The following MYRIP variants were observed in gnomAD, a reference collection of about 807,000 sequenced individuals.
The protein encoded by MYRIP is myosin VIIA and Rab interacting protein.
MYRIP carries 49 observed loss-of-function variants against 98.0 expected under a neutral mutation model. The observed-to-expected ratio is 0.50, with a 90% CI of 0.40 to 0.63. The LOEUF (loss-of-function observed/expected upper bound fraction) is 0.63. Ranked by LOEUF, MYRIP falls within the 30% of genes least tolerant of loss-of-function variation. The probability of loss-of-function intolerance (pLI) is 0.00; values close to 1 mark genes in which losing one functional copy is unlikely to be tolerated. For synonymous variants in MYRIP, 404 were observed against 409.5 expected (o/e 0.99, Z 0.16); for missense variants, 1,004 against 1,058.2 (o/e 0.95, Z 0.71).
At chr3:40,251,626 A>G (rs60177470) in intron 15 of MYRIP, among the ~76,000 whole-genome samples, 2,690 of 152,306 alleles carry the variant, frequency 0.018, 67 homozygotes, top group African/African-American at 0.06. Flanking sequence ...AGGACTGCAC[A>G]TAAGTATTTA....
At chr3:40,218,629 T>TAATATATATATATATATATATATATATA (rs1402516846) in intron 11 of MYRIP, among the ~76,000 whole-genome samples, 1 of 22,700 alleles carries the variant, frequency 4.4e-5, no homozygotes, top group African/African-American at 6.4e-5. Context: ...TATATATATA[T>TAATATATATATATATATATATATATATA]ATATATATAT....
chr3:39,927,035 T>G (rs1011803952), intron 2 of MYRIP, among the ~76,000 whole-genome samples: 1 of 151,940 alleles, frequency 6.6e-6, no homozygotes, highest in East Asian at 1.9e-4. Flanking sequence ...CCTTGAGAGA[T>G]CTTTCACCTC....
At chr3:39,918,579 C>T (rs964681109) in intron 2 of MYRIP, among the ~76,000 whole-genome samples, 1 of 152,198 alleles carries the variant, frequency 6.6e-6, no homozygotes, top group Non-Finnish European at 1.5e-5. Flanking sequence ...AAAACTTCCC[C>T]TTCGCCCTCT....
rs1002981372 is a variant in MYRIP, at chr3:39,895,918, T to G, written c.-30-4869T>G. ...GAAAAACTCGTGTGTGTGTGTGTGG[T>G]GTGTGTGTGTGTGTGTGTGCGCGTG... On this transcript the variant is annotated intron_variant, in intron 1 of 16. Coordinates refer to ENST00000302541, the MANE Select transcript of MYRIP (RefSeq NM_015460.4). Among the ~76,000 whole-genome samples, 27 of 28,628 alleles carry G rather than the reference T, an allele frequency of 9.4e-4. No individual in the cohort carries two copies. In the African/African-American group the frequency reaches 0.014, roughly 15 times the overall value. The allele number at this position is 28,628 out of a possible 152,430, so 18.8% of individuals were successfully genotyped here.
intron 1 of MYRIP, among the ~76,000 whole-genome samples, chr3:39,897,071 A>C (rs1210968511): frequency 6.6e-6 from 1 of 152,216 alleles, no homozygotes; most frequent in Non-Finnish European, 1.5e-5. Flanking sequence ...AAAATAGCTA[A>C]ATCAATTCAG....
chr3:40,052,153 G>A (rs748272463), intron 3 of MYRIP, among the ~76,000 whole-genome samples: 3 of 151,170 alleles, frequency 2.0e-5, no homozygotes, highest in Non-Finnish European at 2.9e-5. Flanking sequence ...CTGTATTTTT[G>A]TACCCTTTAA....
chr3:39,930,525 A>C (rs906747358), intron 2 of MYRIP, among the ~76,000 whole-genome samples: 1 of 151,846 alleles, frequency 6.6e-6, no homozygotes, highest in Non-Finnish European at 1.5e-5. Flanking sequence ...ATATCCTTTG[A>C]AGCACAAAAA....
chr3:39,834,975 C>A (rs997172957), intron 1 of MYRIP, among the ~76,000 whole-genome samples: 58 of 152,186 alleles, frequency 3.8e-4, no homozygotes, highest in African/African-American at 1.2e-3. Context: ...CAACTAGTCT[C>A]CACAGAATTT....
chr3:40,154,583 G>A (rs1163011445), intron 4 of MYRIP, among the ~76,000 whole-genome samples: 1 of 152,118 alleles, frequency 6.6e-6, no homozygotes, highest in African/African-American at 2.4e-5. Context: ...GGATACATCT[G>A]CAGGACGTGC....
chr3:40,089,537 C>G (rs1341303765), intron 3 of MYRIP, among the ~76,000 whole-genome samples: 1 of 152,106 alleles, frequency 6.6e-6, no homozygotes, highest in African/African-American at 2.4e-5. Flanking sequence ...GAACTGGAGT[C>G]CTAGATAGGC....
chr3:40,092,699 G>GGA (rs1164067419), intron 3 of MYRIP, among the ~76,000 whole-genome samples: 1 of 152,168 alleles, frequency 6.6e-6, no homozygotes, highest in African/African-American at 2.4e-5. Flanking sequence ...TTACATAGTA[G>GGA]GAGATGAGAT....
chr3:40,230,594 T>C (rs1952624135), intron 11 of MYRIP, among the ~76,000 whole-genome samples: 1 of 152,176 alleles, frequency 6.6e-6, no homozygotes, highest in Non-Finnish European at 1.5e-5. Context: ...ATATAGCTAT[T>C]GAAATCCAAG....
At chr3:40,009,567 G>A (rs1043779508) in intron 2 of MYRIP, among the ~76,000 whole-genome samples, 1 of 152,068 alleles carries the variant, frequency 6.6e-6, no homozygotes, top group South Asian at 2.1e-4. Flanking sequence ...TAATGTGGAG[G>A]CTCAGGACTT....
intron 2 of MYRIP, among the ~76,000 whole-genome samples, chr3:40,039,291 A>C (rs11711412): frequency 0.28 from 42,354 of 152,104 alleles, 6,602 homozygotes; most frequent in Non-Finnish European, 0.36. Context: ...TAATGTTGAA[A>C]ACAATCTTCA....
At position 39,905,145 on chromosome 3, in the gene MYRIP, A is replaced by G. The variant is rs915632545; in HGVS notation, c.110+4219A>G. Among the ~76,000 whole-genome samples the G allele has an allele frequency of 3.3e-5, 5 of 152,332 alleles. No individual in the cohort carries two copies. The South Asian group carries it at 1.0e-3, about 32-fold the overall frequency. The stretch of plus-strand genomic sequence containing the variant: ...CTCAAGTAAATGTGTCAAAAAGTTC[A>G]TATTGTACTTGGTTAATTTTATTTT... On this transcript the variant is annotated intron_variant, in intron 2 of 16. Transcript: ENST00000302541.
chr3:40,049,643 A>G (rs1034530475), intron 3 of MYRIP, among the ~76,000 whole-genome samples: 7 of 151,982 alleles, frequency 4.6e-5, no homozygotes, highest in East Asian at 1.9e-4. Flanking sequence ...AAAAAAAAAA[A>G]GGGAAAAGTT....
At chr3:40,089,483 A>G (rs554280676) in intron 3 of MYRIP, among the ~76,000 whole-genome samples, 1 of 152,308 alleles carries the variant, frequency 6.6e-6, no homozygotes, top group Non-Finnish European at 1.5e-5. Context: ...CTTTCCATGC[A>G]GGTTCTTCCA....
intron 13 of MYRIP, among the ~76,000 whole-genome samples, chr3:40,245,387 C>T (rs967457537): frequency 4.6e-5 from 7 of 151,528 alleles, no homozygotes; most frequent in Non-Finnish European, 8.8e-5. Flanking sequence ...TAGTGGCTCA[C>T]GCCTGTAATC....
intron 2 of MYRIP, among the ~76,000 whole-genome samples, chr3:39,995,368 G>T (rs1946317584): frequency 6.6e-6 from 1 of 152,178 alleles, no homozygotes; most frequent in Non-Finnish European, 1.5e-5. Context: ...GAAAACCATG[G>T]CACGATAACT....
Sources: allele counts gnomAD v4.1 joint callset (sites outside exome capture counted in the v4.1 genomes callset), GRCh38; gene constraint gnomAD v4.1.1; transcripts MANE v1.5; gene names NCBI Gene and HGNC (gene_info 2026-07-23, HGNC 2026-07-21).